Variants in PCDHGA1 observed in about 807,000 individuals in gnomAD.
PCDHGA1 encodes protocadherin gamma-A1.
Under a neutral mutation model 58.0 loss-of-function variants are expected in PCDHGA1, and 32 were observed. The ratio of observed to expected loss-of-function variants is 0.55; its 90% confidence interval spans 0.42 to 0.74. The LOEUF (loss-of-function observed/expected upper bound fraction) is 0.74, where lower values mean the gene tolerates loss of function less well. PCDHGA1 is among the 30% of genes least tolerant of loss of function. The pLI is 0.00. For synonymous variants in PCDHGA1, 498 were observed against 501.1 expected (o/e 0.99, Z 0.08); for missense variants, 1,205 against 1,182.3 (o/e 1.02, Z -0.28).
rs61612330 is a variant in PCDHGA1, at chr5:141,454,796, A to ATTTTTTTTTTTTTTT, written c.2422-39996_2422-39982dup. 1.0e-3 allele frequency among the ~76,000 whole-genome samples: 80 copies of ATTTTTTTTTTTTTTT among 77,456 alleles called. 10 individuals are homozygous for ATTTTTTTTTTTTTTT. The highest frequency in any genetic ancestry group is 2.0e-3 in the East Asian group (5 of 2,512). The allele number at this position is 77,456 out of a possible 152,430, so 50.8% of individuals were successfully genotyped here. A position where few individuals can be genotyped will look rare whatever the true frequency, so the allele number is the denominator to read the frequency against. On this transcript the variant is annotated intron_variant, in intron 1 of 3. Transcript: ENST00000517417. ...AAGGAAATAATCCTCCATGGTTCTA[A>ATTTTTTTTTTTTTTT]TTTTTTTTTTTTTTTTTTTTTTTTT...
Position 141,330,676 on chromosome 5 carries a change from G to C in PCDHGA1, c.-9G>C. 1 of 1,595,020 alleles carries C rather than the reference G, an allele frequency of 6.3e-7. No individual in the cohort carries two copies. On this transcript the variant is annotated 5_prime_UTR_variant, in exon 1 of 4. Transcript: ENST00000517417. ...CTGGACTGGAAGAAAACTACGAAGT[G>C]AGAGAGCCATGAAGATTCAGAAAAA...
At position 141,432,195 on chromosome 5, in the gene PCDHGA1, C is replaced by G; in HGVS notation, c.2422-62612C>G. 1 of 1,614,206 alleles carries G rather than the reference C, an allele frequency of 6.2e-7. No individual in the cohort carries two copies. The highest frequency in any genetic ancestry group is 8.5e-7 in the Non-Finnish European group (1 of 1,180,050). On this transcript the variant is annotated intron_variant, in intron 1 of 3. Transcript: ENST00000517417. The surrounding 1 kb of genome is among the most constrained non-coding windows in gnomAD (Gnocchi z 6.0). ...CTCGTCTCTGTGACCGCCCACGACC[C>G]CGACTGTGAAGAGAACGCCCAGATC...
intron 2 of PCDHGA1, among the ~76,000 whole-genome samples, chr5:141,501,620 T>G (rs1393018933): frequency 6.6e-6 from 1 of 152,090 alleles, no homozygotes; most frequent in Non-Finnish European, 1.5e-5. Context: ...GACTCTGGTA[T>G]AGTCTCTCAA....
intron 1 of PCDHGA1, chr5:141,384,987 G>C (rs775895766): frequency 6.2e-7 from 1 of 1,614,114 alleles, no homozygotes; most frequent in African/African-American, 1.3e-5. Context: ...TGGTGGTGGC[G>C]GTGGCCACAG....
At chr5:141,449,252 T>C (rs1401555556) in intron 1 of PCDHGA1, among the ~76,000 whole-genome samples, 1 of 152,144 alleles carries the variant, frequency 6.6e-6, no homozygotes, top group Non-Finnish European at 1.5e-5. Flanking sequence ...GTTGCAAGAA[T>C]TGTACAAAGA....
At position 141,413,315 on chromosome 5, in the gene PCDHGA1, C is replaced by G. The variant is rs747758921; in HGVS notation, c.2421+80210C>G. The stretch of plus-strand genomic sequence containing the variant: ...ATTCCTGAGGAATTAGAGAAAGGCT[C>G]TTTCGTGGGCAACATCTCCAAGGAC... On this transcript the variant is annotated intron_variant, in intron 1 of 3. Transcript: ENST00000517417. 6 of 1,613,976 alleles carry G rather than the reference C, an allele frequency of 3.7e-6. No individual in the cohort carries two copies. The South Asian group carries it at 5.5e-5, about 15-fold the overall frequency.
At chr5:141,417,179 A>C (rs1015183950) in intron 1 of PCDHGA1, 1 of 152,194 alleles carries the variant, frequency 6.6e-6, no homozygotes, top group African/African-American at 2.4e-5. Context: ...GAAATAAGGA[A>C]TTATTACTTT....
chr5:141,356,144 A>G, intron 1 of PCDHGA1: 2 of 1,613,620 alleles, frequency 1.2e-6, no homozygotes, highest in African/African-American at 1.3e-5. Context: ...TCTGGATTCT[A>G]TGACATAGAT....
At chr5:141,418,572 A>G (rs777784393) in intron 1 of PCDHGA1, 5 of 1,613,794 alleles carry the variant, frequency 3.1e-6, no homozygotes, top group Non-Finnish European at 4.2e-6. Flanking sequence ...GCCAATGACA[A>G]CCCCCCAGTG....
chr5:141,408,509 G>T, intron 1 of PCDHGA1: 1 of 1,614,048 alleles, frequency 6.2e-7, no homozygotes, highest in Non-Finnish European at 8.5e-7. Flanking sequence ...AAGAAGATGT[G>T]AGTTGCAATT....
intron 1 of PCDHGA1, among the ~76,000 whole-genome samples, chr5:141,473,698 T>A (rs2099327181): frequency 6.6e-6 from 1 of 152,166 alleles, no homozygotes; most frequent in Non-Finnish European, 1.5e-5. Context: ...CTGACCACCC[T>A]CCAAGTGGTG....
intron 1 of PCDHGA1, among the ~76,000 whole-genome samples, chr5:141,472,980 C>CAAAAAAAAAAAAAA (rs60579131): frequency 5.8e-5 from 5 of 86,102 alleles, no homozygotes; most frequent in Admixed American, 1.2e-4. Context: ...GAGTGAAACT[C>CAAAAAAAAAAAAAA]AAAAAAAAAA....
At chr5:141,409,405 C>T in intron 1 of PCDHGA1, 1 of 1,614,050 alleles carries the variant, frequency 6.2e-7, no homozygotes, top group Non-Finnish European at 8.5e-7. Context: ...CCAATAACTA[C>T]TACAAACTGG....
Position 141,505,350 on chromosome 5 carries a change from G to A in PCDHGA1, c.2481-43G>A, listed in dbSNP as rs367663588. ...AGAGGACAGGAGGGGCATGAGCTGT[G>A]CCGGCCTGGGAGTCTGTGCTCACCA... On this transcript the variant is annotated intron_variant, in intron 2 of 3. Transcript: ENST00000517417. The A allele has an allele frequency of 4.3e-6, 7 of 1,613,264 alleles. No homozygotes were observed. In the African/African-American group the frequency reaches 6.7e-5, roughly 15 times the overall value.
At chr5:141,429,657 A>G (rs1455808092) in intron 1 of PCDHGA1, among the ~76,000 whole-genome samples, 1 of 152,232 alleles carries the variant, frequency 6.6e-6, no homozygotes, top group African/African-American at 2.4e-5. Flanking sequence ...TTCCCAATTT[A>G]AAATATATTA....
rs1183309479 is a variant in PCDHGA1 at position 141,404,628 on chromosome 5, C to G, written c.2421+71523C>G. 1.9e-6 allele frequency: 3 copies of G among 1,614,100 alleles called. No homozygotes were observed. In the South Asian group the frequency reaches 3.3e-5, roughly 18 times the overall value. Reference sequence around the variant, plus strand: ...TTTGTTTTGGACCAGAATGACAATGCCCCAGAAATCCTGTACCCTGCCCTC... The same window carrying G: ...TTTGTTTTGGACCAGAATGACAATGGCCCAGAAATCCTGTACCCTGCCCTC... On this transcript the variant is annotated intron_variant, in intron 1 of 3. Transcript: ENST00000517417.
intron 1 of PCDHGA1, among the ~76,000 whole-genome samples, chr5:141,454,796 A>AT (rs61612330): frequency 0.026 from 2,045 of 77,400 alleles, 387 homozygotes; most frequent in East Asian, 0.04. Flanking sequence ...CATGGTTCTA[A>AT]TTTTTTTTTT....
chr5:141,337,680 A>G (rs1756700172), intron 1 of PCDHGA1, among the ~76,000 whole-genome samples: 1 of 152,190 alleles, frequency 6.6e-6, no homozygotes, highest in African/African-American at 2.4e-5. Flanking sequence ...AGGATGAAAA[A>G]GTTCTGGAAG....
Position 141,491,944 on chromosome 5 carries a change from C to T in PCDHGA1, c.2422-2863C>T, listed in dbSNP as rs1245968796. ...CGAGGGGAGGTGGGACCGACCCCCACCCCTACACTCAAAAAAGGCCGGGGC... is the reference window on the plus strand; with the variant it reads ...CGAGGGGAGGTGGGACCGACCCCCATCCCTACACTCAAAAAAGGCCGGGGC... On this transcript the variant is annotated intron_variant, in intron 1 of 3. Transcript: ENST00000517417. This position sits in a 1 kb window ranked among gnomAD's most constrained non-coding sequence, Gnocchi z 6.9. The T allele has an allele frequency of 1.8e-6, 2 of 1,120,156 alleles. No individual in the cohort carries two copies. Among genetic ancestry groups the T allele is most frequent in the Non-Finnish European group, 2.4e-6 (2 of 822,072 alleles). The allele number at this position is 1,120,156 out of a possible 1,614,324, so 69.4% of individuals were successfully genotyped here. A position where few individuals can be genotyped will look rare whatever the true frequency, so the allele number is the denominator to read the frequency against.
Sources: gnomAD v4.1 joint callset for allele counts (sites outside exome capture counted in the v4.1 genomes callset) on GRCh38, gnomAD v4.1.1 for gene constraint, Gnocchi (gnomAD v3.1) non-coding constraint, MANE v1.5 for transcripts, NCBI Gene and HGNC (gene_info 2026-07-23, HGNC 2026-07-21) for gene names.